TCF20: variants seen among roughly 807,000 people sequenced by gnomAD.
TCF20 encodes SPRE-binding protein.
In TCF20, 3 loss-of-function variants were observed where a neutral mutation model predicts 148.6. That is an observed-to-expected ratio of 0.02 (90% CI 0.01 to 0.05). The LOEUF is 0.05. TCF20 is among the 10% of genes least tolerant of loss of function. TCF20 has a pLI of 1.00. For synonymous variants in TCF20, 1,049 were observed against 909.5 expected, an observed-to-expected ratio of 1.15 and a Z score of -2.76; for missense variants, 2,350 against 2,429.3, an observed-to-expected ratio of 0.97 and a Z score of 0.69.
At chr22:42,235,767 C>T (rs78463060) in intron 1 of TCF20, among the ~76,000 whole-genome samples, 6,052 of 152,260 alleles carry the variant, frequency 0.04, 182 homozygotes, top group Non-Finnish European at 0.063. Context: ...TGGAGTTAAC[C>T]TACCTTGCCA....
chr22:42,308,837 G>C (rs1387184874), intron 1 of TCF20, among the ~76,000 whole-genome samples: 1 of 152,128 alleles, frequency 6.6e-6, no homozygotes, highest in Non-Finnish European at 1.5e-5. Context: ...CGCTGGCCAG[G>C]TGATCACATG....
At chr22:42,221,047 A>C (rs1359014604) in intron 1 of TCF20, among the ~76,000 whole-genome samples, 1 of 152,104 alleles carries the variant, frequency 6.6e-6, no homozygotes, top group Non-Finnish European at 1.5e-5. Flanking sequence ...CCTCCTTCCA[A>C]GCTCTCCTCT....
rs1927644828 is a variant in TCF20, at chr22:42,317,037, A to C, written c.-37+26442T>G. 6.6e-6 allele frequency among the ~76,000 whole-genome samples: 1 copy of C among 152,072 alleles called. No homozygotes were observed. Among genetic ancestry groups the C allele is most frequent in the South Asian group, 2.1e-4 (1 of 4,812 alleles). Reference sequence around the variant, plus strand: ...CTGGCATGGCCGTAAGGCATCTTCAATGGTCCCATGTCCTCAACACTCTTC... The same window carrying C: ...CTGGCATGGCCGTAAGGCATCTTCACTGGTCCCATGTCCTCAACACTCTTC... On this transcript the variant is annotated intron_variant, in intron 1 of 1. Coordinates refer to the TCF20 transcript ENST00000515426. The surrounding 1 kb of genome is among the most constrained non-coding windows in gnomAD (Gnocchi z 4.2).
rs1165064649 is a variant in TCF20, at chr22:42,317,490, C to T, written c.-37+25989G>A. The stretch of plus-strand genomic sequence containing the variant: ...GCCCACCAAGCCCACCTAGGCCCTT[C>T]CCCAGTGTCACCTCATTACCCACTC... On this transcript the variant is annotated intron_variant, in intron 1 of 1. Coordinates refer to the TCF20 transcript ENST00000515426. The surrounding 1 kb of genome is among the most constrained non-coding windows in gnomAD (Gnocchi z 4.2). Among the ~76,000 whole-genome samples the T allele has an allele frequency of 6.6e-6, 1 of 152,200 alleles. No individual in the cohort carries two copies. The highest frequency in any genetic ancestry group is 2.4e-5 in the African/African-American group (1 of 41,432).
At chr22:42,305,198 T>G (rs141645806) in intron 1 of TCF20, among the ~76,000 whole-genome samples, 103 of 152,224 alleles carry the variant, frequency 6.8e-4, no homozygotes, top group African/African-American at 2.4e-3. Context: ...CACTGCCTCC[T>G]GGCCCCCAAG....
At chr22:42,322,726 G>A (rs1927756532) in intron 1 of TCF20, among the ~76,000 whole-genome samples, 1 of 151,644 alleles carries the variant, frequency 6.6e-6, no homozygotes, top group Admixed American at 6.6e-5. Context: ...AAGTGTCTGA[G>A]TGAATGAATG....
At chr22:42,324,695 A>AAAAATAATCTCCACCATCTGAG (rs139584158) in intron 1 of TCF20, among the ~76,000 whole-genome samples, 59,257 of 146,356 alleles carry the variant, frequency 0.4, 12,612 homozygotes, top group East Asian at 0.58. Flanking sequence ...CCATTTGAGA[A>AAAAATAATCTCCACCATCTGAG]AAAATAATCT....
At chr22:42,173,235 ACATT>A (rs939527873) in intron 3 of TCF20, among the ~76,000 whole-genome samples, 12 of 138,482 alleles carry the variant, frequency 8.7e-5, no homozygotes, top group African/African-American at 3.7e-4. Flanking sequence ...TGCATTAAAT[ACATT>A]AATTAAAAAA....
intron 1 of TCF20, among the ~76,000 whole-genome samples, chr22:42,255,914 C>A (rs541074057): frequency 6.6e-6 from 1 of 152,320 alleles, no homozygotes; most frequent in South Asian, 2.1e-4. Context: ...TAGGCCCACG[C>A]TCCCTTCTGA....
At chr22:42,173,214 T>G (rs1336512626) in intron 3 of TCF20, among the ~76,000 whole-genome samples, 2 of 151,006 alleles carry the variant, frequency 1.3e-5, no homozygotes, top group African/African-American at 2.4e-5. Context: ...GTCTTAATTG[T>G]TGTGGCTCAT....
rs1449042527 is a variant in TCF20 at position 42,338,185 on chromosome 22, C to T, written c.-37+5294G>A. On this transcript the variant is annotated intron_variant, in intron 1 of 1. Transcript: ENST00000515426. This position sits in a 1 kb window ranked among gnomAD's most constrained non-coding sequence, Gnocchi z 4.0. ...GATCCCCCACCGCCCTGGATGTTCA[C>T]GGTTCTGCAGCATGAGAAATCCCCT... 6.6e-6 allele frequency among the ~76,000 whole-genome samples: 1 copy of T among 152,254 alleles called. No homozygotes were observed. The highest frequency in any genetic ancestry group is 1.9e-4 in the East Asian group (1 of 5,202).
rs1920978905 is a variant in TCF20 at position 42,211,806 on chromosome 22, C to G, written c.3500G>C (p.Ser1167Thr). 1.2e-6 allele frequency: 2 copies of G among 1,614,202 alleles called. No individual in the cohort carries two copies. Among genetic ancestry groups the G allele is most frequent in the African/African-American group, 1.3e-5 (1 of 75,030 alleles). The change falls in exon 2 of 6, where the codon AGT becomes ACT. Residue 1167 changes from serine to threonine, a missense_variant. Coordinates refer to ENST00000677622, the MANE Select transcript of TCF20 (RefSeq NM_001378418.1). ...AQEAGRCLMS[S>T]DGLPNKGMEL... ...CATGCCCTTGTTAGGCAGACCATCA[C>G]TAGACATTAGGCAGCGCCCAGCCTC...
chr22:42,211,940 A>C lies in TCF20; in HGVS notation c.3366T>G (p.Ser1122Arg). 6.2e-7 allele frequency: 1 copy of C among 1,613,006 alleles called. No homozygotes were observed. Among genetic ancestry groups the C allele is most frequent in the African/African-American group, 1.3e-5 (1 of 74,520 alleles). Residue 1122 changes from serine to arginine, a missense_variant, in exon 2 of 6, where the codon AGT becomes AGG. Physicochemically the swap from Ser to Arg is moderately radical, Grantham distance 110. Transcript: ENST00000677622. ...TGTCAAGAAACTGCTGCTGCCTTGG[A>C]CTCTTCCGTGGCCCCTCCTGCCTGT... ...AQHRQEGPRKSPRQQQFLDRV... is the reference protein window; with the variant it reads ...AQHRQEGPRKRPRQQQFLDRV...
chr22:42,288,304 G>A (rs897660918), upstream of TCF20, among the ~76,000 whole-genome samples: 10 of 152,066 alleles, frequency 6.6e-5, no homozygotes, highest in South Asian at 2.1e-4. Flanking sequence ...TTGGGAGGCC[G>A]AGGCAGGCAG....
intron 1 of TCF20, among the ~76,000 whole-genome samples, chr22:42,249,663 G>T (rs551461399): frequency 1.1e-4 from 17 of 152,308 alleles, no homozygotes; most frequent in African/African-American, 3.8e-4. Flanking sequence ...CAACCACTTT[G>T]CAAATAAAAC....
chr22:42,217,521 A>C (rs144202300), intron 1 of TCF20, among the ~76,000 whole-genome samples: 94 of 152,302 alleles, frequency 6.2e-4, no homozygotes, highest in African/African-American at 2.2e-3. Flanking sequence ...TAAACTCCTT[A>C]AAGGGCAGAA....
intron 1 of TCF20, among the ~76,000 whole-genome samples, chr22:42,291,568 C>A (rs1434347919): frequency 1.3e-5 from 2 of 152,222 alleles, no homozygotes; most frequent in South Asian, 4.1e-4. Flanking sequence ...GAGATGTCAT[C>A]TGCCAAGAGA....
At chr22:42,206,034 A>G (rs1938362128) in intron 2 of TCF20, among the ~76,000 whole-genome samples, 2 of 152,116 alleles carry the variant, frequency 1.3e-5, no homozygotes, top group South Asian at 4.2e-4. Context: ...TCGGCCTCCC[A>G]AAGTGCTGGG....
intron 1 of TCF20, among the ~76,000 whole-genome samples, chr22:42,249,099 C>T (rs1238788230): frequency 1.3e-5 from 2 of 152,206 alleles, no homozygotes; most frequent in African/African-American, 4.8e-5. Context: ...GACTTTTCTT[C>T]TGCTGCCTTG....
Sources: allele counts gnomAD v4.1 joint callset (sites outside exome capture counted in the v4.1 genomes callset), GRCh38; gene constraint gnomAD v4.1.1; non-coding constraint Gnocchi (gnomAD v3.1); transcripts MANE v1.5; gene names NCBI Gene and HGNC (gene_info 2026-07-23, HGNC 2026-07-21).